The following TEF variants were observed in gnomAD, a reference collection of about 807,000 sequenced individuals.
TEF encodes the protein thyrotroph embryonic factor.
Under a neutral mutation model 20.8 loss-of-function variants are expected in TEF, and 3 were observed. That is an observed-to-expected ratio of 0.14 (90% confidence interval 0.07 to 0.37). The LOEUF (loss-of-function observed/expected upper bound fraction) is 0.37, where lower values mean the gene tolerates loss of function less well. Ranked by LOEUF, TEF falls within the 10% of genes least tolerant of loss-of-function variation. The pLI is 1.00. For missense variants in TEF, 296 were observed against 397.9 expected, an observed-to-expected ratio of 0.74 and a Z score of 2.18; for synonymous variants, 180 against 171.1, an observed-to-expected ratio of 1.05 and a Z score of -0.41.
intron 3 of TEF, 44 bp downstream of exon 3, chr22:41,394,360 A>G (rs1211522518): frequency 3.8e-6 from 6 of 1,570,050 alleles, no homozygotes; most frequent in African/African-American, 1.4e-5. Context: ...CGTTGGTTCA[A>G]GGGCCTAGGG....
At chr22:41,381,301 TTCCCCTCCCG>T (rs1569254054), upstream of TEF, among the ~76,000 whole-genome samples, 1 of 143,546 alleles carries the variant, frequency 7.0e-6, no homozygotes, top group South Asian at 2.2e-4. Context: ...CGTCCCTCCC[TTCCCCTCCCG>T]CCCCGCCACA....
In TEF at chr22:41,398,552, T is replaced by G. The variant is rs1387051033; in HGVS notation, c.*2592T>G. ...TGGAACTTTGCAAGAATATTCATAT[T>G]ATAAATGTCTCATCTGATGGAGGAA... is the stretch of plus-strand genomic sequence containing the variant. On this transcript the variant is annotated 3_prime_UTR_variant, in exon 4 of 4. Transcript: ENST00000266304. 1 of 153,684 alleles carries G rather than the reference T, an allele frequency of 6.5e-6. No homozygotes were observed. Among genetic ancestry groups the G allele is most frequent in the African/African-American group, 2.4e-5 (1 of 41,470 alleles). The allele number at this position is 153,684 out of a possible 1,614,324, so 9.5% of individuals were successfully genotyped here.
rs1401562325 is a variant in TEF, at chr22:41,382,039, G to A, written c.-6G>A. 59 of 1,230,518 alleles carry A rather than the reference G, an allele frequency of 4.8e-5. No individual in the cohort carries two copies. The highest frequency in any genetic ancestry group is 5.9e-5 in the Non-Finnish European group (58 of 987,242). 76.2% of individuals were successfully genotyped at this position (1,230,518 alleles called of 1,614,324 possible). A position where few individuals can be genotyped will look rare whatever the true frequency, so the allele number is the denominator to read the frequency against. On this transcript the variant is annotated 5_prime_UTR_variant, in exon 1 of 4. Transcript: ENST00000266304. ...GGCGAGGTGCGCGAGCCGAGTCCGG[G>A]GCACGATGTCCGACGCGGGCGGCGG... is the stretch of plus-strand genomic sequence containing the variant.
At chr22:41,389,774 C>T (rs140331888) in intron 2 of TEF, among the ~76,000 whole-genome samples, 54 of 152,226 alleles carry the variant, frequency 3.5e-4, no homozygotes, top group African/African-American at 1.3e-3. Context: ...TACACCCAGC[C>T]GCTTTGTTAA....
rs117000867 is a variant in TEF, at chr22:41,397,052, G to A, written c.*1092G>A. On this transcript the variant is annotated 3_prime_UTR_variant, in exon 4 of 4. Transcript: ENST00000266304. ...TCTCCCTGGGGGCAGCTGGGGCCTC[G>A]CAATTCTTGCTTCAGGATCTCTCCC... is the stretch of plus-strand genomic sequence containing the variant. 5 of 398,708 alleles carry A rather than the reference G, an allele frequency of 1.3e-5. No homozygotes were observed. The highest frequency in any genetic ancestry group is 4.4e-5 in the Admixed American group (1 of 22,706). 24.7% of individuals were successfully genotyped at this position (398,708 alleles called of 1,614,324 possible). A position where few individuals can be genotyped will look rare whatever the true frequency, so the allele number is the denominator to read the frequency against.
At chr22:41,380,149 TTTTTA>T (rs1309953741), upstream of TEF, among the ~76,000 whole-genome samples, 1 of 152,066 alleles carries the variant, frequency 6.6e-6, no homozygotes, top group Non-Finnish European at 1.5e-5. Context: ...CGCAAAATTA[TTTTTA>T]TTTATTTATT....
intron 1 of TEF, among the ~76,000 whole-genome samples, chr22:41,386,751 TAAATA>T (rs368531924): frequency 9.4e-5 from 14 of 148,624 alleles, no homozygotes; most frequent in East Asian, 8.0e-4. Flanking sequence ...CTCAAATAAA[TAAATA>T]AAATAAAATA....
intron 2 of TEF, among the ~76,000 whole-genome samples, chr22:41,389,460 A>ACCC (rs2037139971): frequency 6.6e-6 from 1 of 151,362 alleles, no homozygotes. Flanking sequence ...ACTCTACTAA[A>ACCC]AATACAAAAA....
chr22:41,391,427 G>A (rs577141972), intron 2 of TEF, among the ~76,000 whole-genome samples: 2 of 151,630 alleles, frequency 1.3e-5, no homozygotes, highest in South Asian at 4.2e-4. Context: ...CCGGGTTCAA[G>A]CGAGTCTCCT....
rs117661753 is a variant in TEF, at chr22:41,393,187, A to T, written c.476-909A>T. Among the ~76,000 whole-genome samples, 1,087 of 152,082 alleles carry T rather than the reference A, an allele frequency of 7.1e-3. 3 individuals are homozygous for T. Among genetic ancestry groups the T allele is most frequent in the Non-Finnish European group, 0.012 (823 of 67,990 alleles). The stretch of plus-strand genomic sequence containing the variant: ...GAAACCCTGTCTCTAAAAAATAAAA[A>T]AAAATTAGCCAGGCGTGTTGGTGTG... On this transcript the variant is annotated intron_variant, in intron 2 of 3. Coordinates refer to ENST00000266304, the MANE Select transcript of TEF (RefSeq NM_003216.4).
chr22:41,387,762 C>A, intron 2 of TEF, 94 bp downstream of exon 2: 1 of 1,325,026 alleles, frequency 7.5e-7, no homozygotes, highest in Non-Finnish European at 1.0e-6. Flanking sequence ...CCAGTGAGTC[C>A]CTTCTCTGAG....
At chr22:41,376,189 T>C (rs2036939383) in intron 1 of TEF, among the ~76,000 whole-genome samples, 1 of 152,220 alleles carries the variant, frequency 6.6e-6, no homozygotes, top group Non-Finnish European at 1.5e-5. Context: ...TTAATGAAAA[T>C]CACTTGTTCT....
chr22:41,379,191 A>C (rs1454297725), upstream of TEF, among the ~76,000 whole-genome samples: 1 of 151,976 alleles, frequency 6.6e-6, no homozygotes, highest in Non-Finnish European at 1.5e-5. Context: ...ACAAAAAATT[A>C]GGCGGGCACG....
intron 1 of TEF, chr22:41,367,654 G>A (rs942183673): frequency 2.6e-6 from 4 of 1,522,320 alleles, no homozygotes; most frequent in Non-Finnish European, 3.6e-6. Context: ...GAGGGGGCGA[G>A]GGGGCAGCCA....
intron 1 of TEF, among the ~76,000 whole-genome samples, chr22:41,383,561 C>A (rs1032935053): frequency 7.2e-5 from 11 of 152,166 alleles, no homozygotes; most frequent in African/African-American, 2.7e-4. Flanking sequence ...AAAATTGAGG[C>A]TCAGGGAGGT....
intron 2 of TEF, among the ~76,000 whole-genome samples, chr22:41,388,218 G>A (rs1294708312): frequency 2.0e-5 from 3 of 151,576 alleles, no homozygotes; most frequent in East Asian, 1.9e-4. Flanking sequence ...GGCTGGTCTC[G>A]AACTCCTAAC....
At chr22:41,390,750 C>A (rs191212401) in intron 2 of TEF, among the ~76,000 whole-genome samples, 4 of 151,756 alleles carry the variant, frequency 2.6e-5, no homozygotes, top group Non-Finnish European at 5.9e-5. Flanking sequence ...CCACCTGCCT[C>A]GGAAAGTGCT....
chr22:41,372,837 G>A (rs747636405), intron 1 of TEF, among the ~76,000 whole-genome samples: 1 of 152,104 alleles, frequency 6.6e-6, no homozygotes, highest in Non-Finnish European at 1.5e-5. Context: ...GAGGCCTGGA[G>A]GGTGAGGAAG....
Position 41,387,550 on chromosome 22 carries a change from C to A in TEF, c.357C>A (p.His119Gln), listed in dbSNP as rs2037113183. ...GIPASPTHLA[H>Q]NLLLPVAELE... ...CCGCCAGCCCCACCCACCTGGCCCA[C>A]AACCTGCTGCTGCCTGTAGCAGAGC... is the stretch of plus-strand genomic sequence containing the variant. The change falls in exon 2 of 4, where the codon CAC (histidine) becomes CAA (glutamine). Residue 119 changes from histidine (H) to glutamine (Q), a missense_variant. By Grantham distance (24) the His-to-Gln change is conservative. Transcript: ENST00000266304. The A allele has an allele frequency of 6.8e-6, 11 of 1,614,092 alleles. No individual in the cohort carries two copies. Among genetic ancestry groups the A allele is most frequent in the Non-Finnish European group, 9.3e-6 (11 of 1,180,038 alleles).
Sources: gnomAD v4.1 joint callset for allele counts (sites outside exome capture counted in the v4.1 genomes callset) on GRCh38, gnomAD v4.1.1 for gene constraint, MANE v1.5 for transcripts, NCBI Gene and HGNC (gene_info 2026-07-23, HGNC 2026-07-21) for gene names.